Variants in CDH20 observed in about 807,000 individuals in gnomAD.
CDH20 encodes the protein cadherin 20.
In CDH20, 29 loss-of-function variants were observed where a neutral mutation model predicts 74.2. The ratio of observed to expected loss-of-function variants is 0.39; its 90% CI spans 0.29 to 0.53. The LOEUF is 0.53. CDH20 is among the 20% of genes least tolerant of loss of function. The pLI, the probability that CDH20 is intolerant of heterozygous loss-of-function variation, is 0.69. For missense variants in CDH20, 988 were observed against 1,048.3 expected (o/e 0.94, Z 0.79); for synonymous variants, 469 against 405.4 (o/e 1.16, Z -1.88).
chr18:61,486,270 G>A (rs1910760219), intron 1 of CDH20, among the ~76,000 whole-genome samples: 1 of 152,152 alleles, frequency 6.6e-6, no homozygotes, highest in Admixed American at 6.5e-5. Flanking sequence ...GTCAGTAGCA[G>A]AAACATACAC....
At chr18:61,473,339 C>A (rs1264075489) in intron 1 of CDH20, among the ~76,000 whole-genome samples, 1 of 152,076 alleles carries the variant, frequency 6.6e-6, no homozygotes, top group Non-Finnish European at 1.5e-5. Flanking sequence ...CTTCTTTAAC[C>A]TTCATTTACT....
At chr18:61,343,482 G>T (rs1910019422) in intron 1 of CDH20, among the ~76,000 whole-genome samples, 1 of 152,164 alleles carries the variant, frequency 6.6e-6, no homozygotes, top group African/African-American at 2.4e-5. Flanking sequence ...GCTGGAGAAA[G>T]GCAGACCCAG....
intron 1 of CDH20, among the ~76,000 whole-genome samples, chr18:61,484,568 A>C (rs1300270320): frequency 6.6e-6 from 1 of 152,212 alleles, no homozygotes; most frequent in Non-Finnish European, 1.5e-5. Context: ...AGGATTTCTA[A>C]AGTGAAAATG....
chr18:61,521,161 AATAG>A (rs1912192773), intron 6 of CDH20, among the ~76,000 whole-genome samples: 1 of 150,560 alleles, frequency 6.6e-6, no homozygotes, highest in Non-Finnish European at 1.5e-5. Flanking sequence ...AGATTAACAA[AATAG>A]ATAGATTGCT....
chr18:61,517,730 G>GTT (rs1912051530), intron 6 of CDH20, among the ~76,000 whole-genome samples: 1 of 151,942 alleles, frequency 6.6e-6, no homozygotes, highest in East Asian at 1.9e-4. Flanking sequence ...GTTTTGTTTT[G>GTT]TTTTACCCCC....
chr18:61,395,349 C>T (rs886570664), intron 1 of CDH20, among the ~76,000 whole-genome samples: 1 of 152,098 alleles, frequency 6.6e-6, no homozygotes, highest in South Asian at 2.1e-4. Context: ...TAGTGCAGTG[C>T]CTGGTACTTG....
chr18:61,443,861 G>C (rs559959540), intron 1 of CDH20, among the ~76,000 whole-genome samples: 4 of 152,188 alleles, frequency 2.6e-5, no homozygotes, highest in African/African-American at 7.2e-5. Context: ...GTTGGGGACA[G>C]AAAGGGAAAA....
At chr18:61,527,698 C>T (rs1055530878) in intron 6 of CDH20, among the ~76,000 whole-genome samples, 1 of 152,070 alleles carries the variant, frequency 6.6e-6, no homozygotes, top group Admixed American at 6.5e-5. Context: ...CCAGAATAAA[C>T]GGGCAAACTA....
chr18:61,391,886 A>G (rs186668573), intron 1 of CDH20, among the ~76,000 whole-genome samples: 2 of 152,202 alleles, frequency 1.3e-5, no homozygotes, highest in Non-Finnish European at 2.9e-5. Context: ...TTCTACCTCA[A>G]TATTTCTTGA....
At chr18:61,422,883 A>G (rs1012185767) in intron 1 of CDH20, among the ~76,000 whole-genome samples, 12 of 152,122 alleles carry the variant, frequency 7.9e-5, no homozygotes, top group African/African-American at 2.9e-4. Context: ...ATTTTATGAA[A>G]GAGTAGGAGA....
intron 4 of CDH20, among the ~76,000 whole-genome samples, chr18:61,502,193 C>T (rs1428842955): frequency 6.6e-6 from 1 of 152,110 alleles, no homozygotes; most frequent in Non-Finnish European, 1.5e-5. Context: ...GGAGACAAAA[C>T]ATTACTGTAC....
rs984009289 is a variant in CDH20, at chr18:61,417,540, A to C, written c.-152-72862A>C. Among the ~76,000 whole-genome samples the C allele has an allele frequency of 6.7e-5, 10 of 148,742 alleles. No individual in the cohort carries two copies. In the South Asian group the frequency reaches 2.0e-3, roughly 29 times the overall value. ...TTAAATGAAATAAGCCAGGCACAAAAAGAAAAATACTGTATGTTCTTACTC... is the reference window on the plus strand; with the variant it reads ...TTAAATGAAATAAGCCAGGCACAAACAGAAAAATACTGTATGTTCTTACTC... On this transcript the variant is annotated intron_variant, in intron 1 of 11. Transcript: ENST00000262717.
intron 1 of CDH20, chr18:61,334,347 C>G (rs1039224442): frequency 2.6e-5 from 4 of 152,208 alleles, no homozygotes; most frequent in Non-Finnish European, 4.4e-5. Flanking sequence ...ATCCCTGGTC[C>G]GTGCCTCGCG....
chr18:61,344,997 A>C (rs1910068609), intron 1 of CDH20, among the ~76,000 whole-genome samples: 1 of 152,180 alleles, frequency 6.6e-6, no homozygotes, highest in African/African-American at 2.4e-5. Context: ...TGCCTTTATC[A>C]TTTCAATGCC....
At chr18:61,354,641 T>TG (rs1231404410) in intron 1 of CDH20, among the ~76,000 whole-genome samples, 1 of 151,652 alleles carries the variant, frequency 6.6e-6, no homozygotes, top group Non-Finnish European at 1.5e-5. Flanking sequence ...CCCTAGGTTT[T>TG]TTTTCAAATG....
chr18:61,415,188 C>G (rs568299751), intron 1 of CDH20, among the ~76,000 whole-genome samples: 1 of 152,110 alleles, frequency 6.6e-6, no homozygotes, highest in Non-Finnish European at 1.5e-5. Flanking sequence ...AATTAGCTCC[C>G]TATTTTCAAT....
At chr18:61,486,744 A>G (rs1159729033) in intron 1 of CDH20, among the ~76,000 whole-genome samples, 1 of 152,218 alleles carries the variant, frequency 6.6e-6, no homozygotes, top group Non-Finnish European at 1.5e-5. Context: ...TCTTAAAGGC[A>G]TTAGGCCACA....
intron 1 of CDH20, among the ~76,000 whole-genome samples, chr18:61,393,729 T>G (rs1911868654): frequency 6.6e-6 from 1 of 152,206 alleles, no homozygotes; most frequent in African/African-American, 2.4e-5. Context: ...CTACTTCACG[T>G]TCATAAGTTT....
intron 1 of CDH20, among the ~76,000 whole-genome samples, chr18:61,427,465 T>C (rs1035677224): frequency 1.3e-5 from 2 of 152,140 alleles, no homozygotes; most frequent in Admixed American, 6.5e-5. Context: ...TGCTTAACCA[T>C]TATGCTGTAC....
Sources: gnomAD v4.1 joint callset for allele counts (sites outside exome capture counted in the v4.1 genomes callset) on GRCh38, gnomAD v4.1.1 for gene constraint, MANE v1.5 for transcripts, NCBI Gene and HGNC (gene_info 2026-07-23, HGNC 2026-07-21) for gene names.